Variants in SZT2 observed in about 807,000 individuals in gnomAD.
The protein encoded by SZT2 is KICSTOR complex protein SZT2.
SZT2 carries 216 observed loss-of-function variants against 404.2 expected under a neutral mutation model. The ratio of observed to expected loss-of-function variants is 0.53; its 90% CI spans 0.48 to 0.60. The LOEUF is 0.60. Ranked by LOEUF, SZT2 falls within the 20% of genes least tolerant of loss-of-function variation. The probability of loss-of-function intolerance (pLI) is 0.00; values close to 1 mark genes in which losing one functional copy is unlikely to be tolerated. For synonymous variants in SZT2, 1,693 were observed against 1,749.9 expected (o/e 0.97, Z 0.81); for missense variants, 3,857 against 4,459.2 (o/e 0.86, Z 3.85).
chr1:43,422,020 C>T, intron 11 of SZT2, 63 bp from the exon 12 acceptor site: 1 of 1,528,194 alleles, frequency 6.5e-7, no homozygotes, highest in Non-Finnish European at 8.8e-7. Flanking sequence ...TTTGTTTGCT[C>T]TTTGGAGTTT....
At chr1:43,392,748 T>C (rs1027655438) in intron 1 of SZT2, among the ~76,000 whole-genome samples, 1 of 152,236 alleles carries the variant, frequency 6.6e-6, no homozygotes, top group Non-Finnish European at 1.5e-5. Flanking sequence ...GATTTGCATT[T>C]CTGAAAATTT....
Position 43,448,029 on chromosome 1 carries a change from G to A in SZT2, c.9564-50G>A. On this transcript the variant is annotated intron_variant, in intron 68 of 71. Transcript: ENST00000634258. The surrounding 1 kb of genome is among the most constrained non-coding windows in gnomAD (Gnocchi z 4.2). The stretch of plus-strand genomic sequence containing the variant: ...TTCCCAGCCTGCCCCACCCTGCCCT[G>A]TGTGTCTCTTGCTACAACCACCACT... 6.2e-7 allele frequency: 1 copy of A among 1,610,366 alleles called. No individual in the cohort carries two copies. The highest frequency in any genetic ancestry group is 2.2e-5 in the East Asian group (1 of 44,786).
intron 63 of SZT2, 22 bp from the exon 64 acceptor site, chr1:43,446,157 G>GCC (rs751774175): frequency 6.2e-7 from 1 of 1,614,006 alleles, no homozygotes; most frequent in Non-Finnish European, 8.5e-7. Flanking sequence ...CCCAAACCTT[G>GCC]CCCCCTTTTT....
At position 43,422,622 on chromosome 1, in the gene SZT2, C is replaced by A; in HGVS notation, c.1912C>A (p.Leu638Met). Residue 638 changes from leucine (L) to methionine (M), a missense_variant, in exon 13 of 72, where the codon CTG becomes ATG. By Grantham distance (15) the Leu-to-Met change is conservative. This residue lies in a region of SZT2 where 1,725 missense variants were observed against 1,881.0 expected (regional missense o/e 0.92). Transcript: ENST00000634258. ...AGTCGAGGGCTATTCTTATGTTAAG[C>A]TGCTCTCCAGGTGGGCAAAGTGATG... ...VLVEGYSYVK[L>M]LSSAPDQPPN... 6.3e-7 allele frequency: 1 copy of A among 1,593,412 alleles called. No individual in the cohort carries two copies. Among genetic ancestry groups the A allele is most frequent in the Non-Finnish European group, 8.5e-7 (1 of 1,177,376 alleles).
intron 4 of SZT2, chr1:43,407,039 T>C (rs1194560964): frequency 2.6e-5 from 4 of 152,210 alleles, no homozygotes; most frequent in African/African-American, 7.2e-5. Flanking sequence ...GAGGATGGAT[T>C]TGGGGACAAA....
intron 4 of SZT2, among the ~76,000 whole-genome samples, chr1:43,407,510 T>C (rs1446213206): frequency 1.3e-5 from 2 of 151,392 alleles, no homozygotes; most frequent in African/African-American, 4.9e-5. Flanking sequence ...AGTGAGACTC[T>C]GTCTCCAAAA....
Position 43,428,358 on chromosome 1 carries a change from G to A in SZT2, c.4038G>A (p.Leu1346=). The change falls in exon 28 of 72, where the codon TTG becomes TTA. Residue 1346 remains leucine, a synonymous_variant. Coordinates refer to ENST00000634258, the MANE Select transcript of SZT2 (RefSeq NM_001365999.1). The part of the protein sequence containing the change: ...EIDITPFLLA[L]CGHTWGLPHA... ...ACATCACCCCATTTCTCCTTGCATT[G>A]TGTGGCCACACTTGGGGTTTGCCTC... 1 of 1,614,160 alleles carries A rather than the reference G, an allele frequency of 6.2e-7. No individual in the cohort carries two copies. The highest frequency in any genetic ancestry group is 1.3e-5 in the African/African-American group (1 of 75,032).
At position 43,435,595 on chromosome 1, in the gene SZT2, T is replaced by C; in HGVS notation, c.6034+266T>C. On this transcript the variant is annotated intron_variant, in intron 42 of 71. Coordinates refer to ENST00000634258, the MANE Select transcript of SZT2 (RefSeq NM_001365999.1). ...ATGAAAAGTGAAAGAGGGTGATAGG[T>C]GGGGCAGAGAATAACTACTCTTACA... 4 of 363,322 alleles carry C rather than the reference T, an allele frequency of 1.1e-5. No individual in the cohort carries two copies. In the South Asian group the frequency reaches 1.4e-4, roughly 12 times the overall value. 22.5% of individuals were successfully genotyped at this position (363,322 alleles called of 1,614,324 possible).
chr1:43,436,475 G>GA (rs1557580434), intron 42 of SZT2: 1 of 152,242 alleles, frequency 6.6e-6, no homozygotes, highest in African/African-American at 2.4e-5. Flanking sequence ...AGTCTCTCCA[G>GA]AATTTTTCCC....
Position 43,418,813 on chromosome 1 carries a change from GC to G in SZT2, c.880-919del, listed in dbSNP as rs139285215. ...GATTTGGAGAGAGCAGAGGTTCAAG[GC>G]CTGGCAGTCTCAGTGAGGTCAAAGA... On this transcript the variant is annotated intron_variant, in intron 7 of 71. Coordinates refer to ENST00000634258, the MANE Select transcript of SZT2 (RefSeq NM_001365999.1). Among the ~76,000 whole-genome samples the G allele has an allele frequency of 6.7e-3, 1,025 of 152,300 alleles. 8 individuals carry two copies. Among genetic ancestry groups the G allele is most frequent in the African/African-American group, 0.024 (977 of 41,542 alleles).
chr1:43,439,243 G>A lies in SZT2; in HGVS notation c.6793-115G>A. 2 of 1,521,332 alleles carry A rather than the reference G, an allele frequency of 1.3e-6. No individual in the cohort carries two copies. Among genetic ancestry groups the A allele is most frequent in the East Asian group, 2.3e-5 (1 of 44,368 alleles). 94.2% of individuals were successfully genotyped at this position (1,521,332 alleles called of 1,614,324 possible). On this transcript the variant is annotated intron_variant, in intron 48 of 71. Coordinates refer to ENST00000634258, the MANE Select transcript of SZT2 (RefSeq NM_001365999.1). This position sits in a 1 kb window ranked among gnomAD's most constrained non-coding sequence, Gnocchi z 4.2. ...CCCCGGGGACCATTATTACCCGCCT[G>A]TGTCTTCTCATGCTCCCATATCTAC...
intron 4 of SZT2, among the ~76,000 whole-genome samples, chr1:43,414,798 C>T (rs527918164): frequency 6.6e-6 from 1 of 152,318 alleles, no homozygotes; most frequent in Non-Finnish European, 1.5e-5. Context: ...AATAGAAGAT[C>T]TTATAGTGCC....
Position 43,443,468 on chromosome 1 carries a change from T to C in SZT2, c.8616T>C (p.Pro2872=), listed in dbSNP as rs1292357413. 1 of 1,614,178 alleles carries C rather than the reference T, an allele frequency of 6.2e-7. No homozygotes were observed. The highest frequency in any genetic ancestry group is 2.2e-5 in the East Asian group (1 of 44,882). Reference sequence around the variant, plus strand: ...GGCCCCCAGAGACCTCTGGACCCCCTGACGGGCAGGTAAGGCTGACTCCCA... The same window carrying C: ...GGCCCCCAGAGACCTCTGGACCCCCCGACGGGCAGGTAAGGCTGACTCCCA... The part of the protein sequence containing the change: ...LHGPPETSGP[P]DGQRRHRPES... Residue 2872 remains proline (P), a synonymous_variant, in exon 61 of 72, where the codon CCT becomes CCC. Transcript: ENST00000634258.
chr1:43,440,318 A>G (rs1654927976), intron 51 of SZT2, 135 bp from the exon 52 acceptor site: 1 of 1,343,286 alleles, frequency 7.4e-7, no homozygotes, highest in Admixed American at 2.4e-5. Context: ...GCAGCACACT[A>G]TCAGTTGTAT....
In SZT2 at chr1:43,442,301, G is replaced by C; in HGVS notation, c.7907G>C (p.Gly2636Ala). 6.2e-7 allele frequency: 1 copy of C among 1,614,128 alleles called. No individual in the cohort carries two copies. The highest frequency in any genetic ancestry group is 8.5e-7 in the Non-Finnish European group (1 of 1,180,008). ...GCCATGCAGCGCTTCGAGCCAGGAG[G>C]TGATGGGAGCTCAGGGCGAAATGCT... ...AKAMQRFEPG[G>A]DGSSGRNAPR... The change falls in exon 57 of 72, where the codon GGT becomes GCT. Residue 2636 changes from glycine to alanine, a missense_variant. By Grantham distance (60) the Gly-to-Ala change is moderately conservative (BLOSUM62 0). Around this residue, in one of 7 missense-constraint regions of SZT2, gnomAD observed 573 missense variants for 592.4 expected, o/e 0.97. Coordinates refer to ENST00000634258, the MANE Select transcript of SZT2 (RefSeq NM_001365999.1). The surrounding 1 kb of genome is among the most constrained non-coding windows in gnomAD (Gnocchi z 4.5).
At chr1:43,414,559 T>C (rs1280281632) in intron 4 of SZT2, among the ~76,000 whole-genome samples, 3 of 152,104 alleles carry the variant, frequency 2.0e-5, no homozygotes, top group Non-Finnish European at 4.4e-5. Flanking sequence ...TAGCTGGGAT[T>C]ACAGGTGCCC....
At chr1:43,433,613 C>A (rs1415064567) in intron 40 of SZT2, among the ~76,000 whole-genome samples, 1 of 152,200 alleles carries the variant, frequency 6.6e-6, no homozygotes, top group Non-Finnish European at 1.5e-5. Flanking sequence ...GAAACCCCGT[C>A]TCCATTAAAA....
Position 43,452,883 on chromosome 1 carries a change from C to A in SZT2, c.*2403C>A. On this transcript the variant is annotated 3_prime_UTR_variant, in exon 72 of 72. Transcript: ENST00000634258. ...TCCAAGCAGACATTCCAGGCCTCCC[C>A]ATCCCAACAGGCTACATACATGTCC... is the stretch of plus-strand genomic sequence containing the variant. 6.3e-7 allele frequency: 1 copy of A among 1,584,570 alleles called. No individual in the cohort carries two copies. The highest frequency in any genetic ancestry group is 2.3e-5 in the East Asian group (1 of 43,342).
rs776237704 is a variant in SZT2, at chr1:43,431,487, G to A, written c.5052G>A (p.Thr1684=). The A allele has an allele frequency of 1.2e-5, 19 of 1,613,894 alleles. No individual in the cohort carries two copies. The highest frequency in any genetic ancestry group is 1.1e-4 in the African/African-American group (8 of 74,862). Residue 1684 remains threonine, a synonymous_variant, in exon 35 of 72, where the codon ACG becomes ACA. Coordinates refer to ENST00000634258, the MANE Select transcript of SZT2 (RefSeq NM_001365999.1). The part of the protein sequence containing the change: ...ERHPGLSNLA[T]PHRLAIETTM... Reference sequence around the variant, plus strand: ...ACCCAGGACTATCCAATTTGGCCACGCCCCACAGACTGGCTATTGAGACCA... The same window carrying A: ...ACCCAGGACTATCCAATTTGGCCACACCCCACAGACTGGCTATTGAGACCA...
Sources: gnomAD v4.1 joint callset for allele counts (sites outside exome capture counted in the v4.1 genomes callset) on GRCh38, gnomAD v4.1.1 for gene constraint, gnomAD v4.1.1 regional missense constraint, Gnocchi (gnomAD v3.1) non-coding constraint, MANE v1.5 for transcripts, NCBI Gene and HGNC (gene_info 2026-07-23, HGNC 2026-07-21) for gene names.